KLHL1: variants seen among roughly 807,000 people sequenced by gnomAD.
The protein encoded by KLHL1 is kelch-like protein 1.
KLHL1 carries 47 observed loss-of-function variants against 77.7 expected under a neutral mutation model. The ratio of observed to expected loss-of-function variants is 0.60; its 90% CI spans 0.48 to 0.77. The LOEUF is 0.77. Ranked by LOEUF, KLHL1 falls within the 30% of genes least tolerant of loss-of-function variation. KLHL1 has a pLI of 0.00. For synonymous variants in KLHL1, 360 were observed against 325.2 expected (o/e 1.11, Z -1.15); for missense variants, 925 against 910.8 (o/e 1.02, Z -0.20).
At chr13:69,970,471 A>C (rs1034382249) in intron 2 of KLHL1, among the ~76,000 whole-genome samples, 14 of 152,192 alleles carry the variant, frequency 9.2e-5, no homozygotes, top group Non-Finnish European at 1.9e-4. Flanking sequence ...CTTCTTTATG[A>C]GGCCTGCCGA....
chr13:69,800,328 A>T (rs1016275599), intron 6 of KLHL1, among the ~76,000 whole-genome samples: 1 of 152,292 alleles, frequency 6.6e-6, no homozygotes, highest in Non-Finnish European at 1.5e-5. Flanking sequence ...ACATATTCAC[A>T]GGTTCCAGGG....
chr13:70,041,102 T>C (rs897523212), intron 1 of KLHL1, among the ~76,000 whole-genome samples: 4 of 152,196 alleles, frequency 2.6e-5, no homozygotes, highest in African/African-American at 9.6e-5. Context: ...TTCTTCATTG[T>C]CTCTTCTATA....
intron 1 of KLHL1, among the ~76,000 whole-genome samples, chr13:70,059,292 A>G (rs1421616435): frequency 6.6e-6 from 1 of 151,686 alleles, no homozygotes; most frequent in Non-Finnish European, 1.5e-5. Context: ...CCAAGTATCT[A>G]GGATTACAGC....
chr13:69,979,205 T>C (rs1467460608), intron 1 of KLHL1, among the ~76,000 whole-genome samples: 2 of 151,958 alleles, frequency 1.3e-5, no homozygotes, highest in African/African-American at 4.8e-5. Flanking sequence ...CTCTCCTAGA[T>C]TTTTTTCCTA....
chr13:69,728,301 A>G (rs1019936243), intron 8 of KLHL1, among the ~76,000 whole-genome samples: 2 of 152,118 alleles, frequency 1.3e-5, no homozygotes, highest in Non-Finnish European at 2.9e-5. Flanking sequence ...TGTGCTAGGT[A>G]TTAGGACATA....
intron 1 of KLHL1, among the ~76,000 whole-genome samples, chr13:70,092,663 G>C (rs1236852702): frequency 6.6e-6 from 1 of 152,072 alleles, no homozygotes; most frequent in African/African-American, 2.4e-5. Flanking sequence ...CCTGTAATTA[G>C]TTTTATGAGC....
intron 1 of KLHL1, among the ~76,000 whole-genome samples, chr13:70,005,065 C>A (rs1450338716): frequency 6.6e-6 from 1 of 151,282 alleles, no homozygotes; most frequent in Non-Finnish European, 1.5e-5. Context: ...TTTTGTATTG[C>A]AAAATGACAA....
At chr13:69,720,545 G>A (rs1593771746) in intron 8 of KLHL1, among the ~76,000 whole-genome samples, 2 of 152,124 alleles carry the variant, frequency 1.3e-5, no homozygotes, top group South Asian at 2.1e-4. Context: ...TTACTACTGG[G>A]GAAGGTTCAA....
intron 6 of KLHL1, among the ~76,000 whole-genome samples, chr13:69,806,703 C>G (rs1877633610): frequency 6.6e-6 from 1 of 152,166 alleles, no homozygotes; most frequent in Non-Finnish European, 1.5e-5. Flanking sequence ...ATACATGGAG[C>G]TGCCTAAAGA....
chr13:70,013,249 T>C (rs1885580376), intron 1 of KLHL1, among the ~76,000 whole-genome samples: 1 of 151,958 alleles, frequency 6.6e-6, no homozygotes, highest in African/African-American at 2.4e-5. Context: ...TTCTATACAT[T>C]AAAAAAATAC....
intron 5 of KLHL1, among the ~76,000 whole-genome samples, chr13:69,880,633 A>G (rs1880952263): frequency 6.6e-6 from 1 of 152,164 alleles, no homozygotes; most frequent in African/African-American, 2.4e-5. Context: ...CCAACAGGAC[A>G]TCTCTGATCT....
chr13:69,868,471 A>G (rs1487118918), intron 5 of KLHL1, among the ~76,000 whole-genome samples: 1 of 152,072 alleles, frequency 6.6e-6, no homozygotes, highest in Non-Finnish European at 1.5e-5. Flanking sequence ...AACAACAATT[A>G]TGTAATTATA....
chr13:69,709,024 T>A (rs1473087887), intron 9 of KLHL1, among the ~76,000 whole-genome samples: 2 of 152,094 alleles, frequency 1.3e-5, no homozygotes, highest in East Asian at 1.9e-4. Context: ...ATATTCATAT[T>A]ACCCACAATG....
chr13:70,101,951 A>T (rs1887932792), intron 1 of KLHL1, among the ~76,000 whole-genome samples: 1 of 69,972 alleles, frequency 1.4e-5, no homozygotes, highest in Admixed American at 1.2e-4. Flanking sequence ...ATAAAGTAGC[A>T]AAAAAAAAAA....
chr13:69,723,202 G>A (rs932176728), intron 8 of KLHL1, among the ~76,000 whole-genome samples: 1 of 152,048 alleles, frequency 6.6e-6, no homozygotes, highest in Non-Finnish European at 1.5e-5. Flanking sequence ...ATGGAGAGAG[G>A]TTGGTCAATG....
chr13:70,019,712 A>G (rs1885742619), intron 1 of KLHL1, among the ~76,000 whole-genome samples: 1 of 152,198 alleles, frequency 6.6e-6, no homozygotes, highest in Admixed American at 6.5e-5. Context: ...AGTGGTGTGA[A>G]TTTGACTTCA....
chr13:69,963,887 T>C (rs1017155826), intron 2 of KLHL1, among the ~76,000 whole-genome samples: 1 of 151,286 alleles, frequency 6.6e-6, no homozygotes, highest in Non-Finnish European at 1.5e-5. Flanking sequence ...TAAAAAAACA[T>C]ACACAGCTTT....
intron 5 of KLHL1, among the ~76,000 whole-genome samples, chr13:69,876,383 C>T (rs921625347): frequency 4.6e-5 from 7 of 152,278 alleles, no homozygotes; most frequent in Admixed American, 3.9e-4. Flanking sequence ...AGACCTCACC[C>T]TTCCTTCTTG....
chr13:70,048,269 T>C (rs1886548590), intron 1 of KLHL1, among the ~76,000 whole-genome samples: 1 of 152,218 alleles, frequency 6.6e-6, no homozygotes, highest in South Asian at 2.1e-4. Flanking sequence ...GTCAAAAATG[T>C]TGATGCTGCT....
Sources: allele counts gnomAD v4.1 joint callset (sites outside exome capture counted in the v4.1 genomes callset), GRCh38; gene constraint gnomAD v4.1.1; transcripts MANE v1.5; gene names NCBI Gene and HGNC (gene_info 2026-07-23, HGNC 2026-07-21).